OSBPL5: variants seen among roughly 807,000 people sequenced by gnomAD.
OSBPL5 encodes oxysterol binding protein like 5, also known as oxysterol-binding protein-related protein 5.
Under a neutral mutation model 111.2 loss-of-function variants are expected in OSBPL5, and 71 were observed. That is an observed-to-expected ratio of 0.64 (90% CI 0.53 to 0.78). The LOEUF is 0.78. Among genes scored for constraint, OSBPL5 ranks in the 30% least tolerant of loss-of-function variants. The probability of loss-of-function intolerance (pLI) is 0.00; values close to 1 mark genes in which losing one functional copy is unlikely to be tolerated. For synonymous variants in OSBPL5, 549 were observed against 513.9 expected (o/e 1.07, Z -0.93); for missense variants, 1,210 against 1,189.3 (o/e 1.02, Z -0.26).
In OSBPL5 at chr11:3,106,490, C is replaced by T. The variant is rs1480368818; in HGVS notation, c.1059+773G>A. Among the ~76,000 whole-genome samples the T allele has an allele frequency of 2.0e-5, 3 of 151,990 alleles. No homozygotes were observed. The highest frequency in any genetic ancestry group is 4.1e-4 in the South Asian group (2 of 4,820). ...GAAGCTTAGATCCTGTGATTCCTTC[C>T]GGACTCCCCTTCCTGAGGCGCCCCA... On this transcript the variant is annotated intron_variant, in intron 9 of 21. Transcript: ENST00000263650. The surrounding 1 kb of genome is among the most constrained non-coding windows in gnomAD (Gnocchi z 8.4).
rs1238017676 is a variant in OSBPL5 at position 3,140,662 on chromosome 11, C to T, written c.-21-11493G>A. 2.0e-5 allele frequency among the ~76,000 whole-genome samples: 3 copies of T among 152,194 alleles called. No homozygotes were observed. Among genetic ancestry groups the T allele is most frequent in the Non-Finnish European group, 4.4e-5 (3 of 68,026 alleles). On this transcript the variant is annotated intron_variant, in intron 1 of 21. Transcript: ENST00000263650. This position sits in a 1 kb window ranked among gnomAD's most constrained non-coding sequence, Gnocchi z 4.5. Reference sequence around the variant, plus strand: ...GTCCCGGCTCCCCTCTGTCCCCCAGCTCACATTACCCAGGACTGGCTGTAG... The same window carrying T: ...GTCCCGGCTCCCCTCTGTCCCCCAGTTCACATTACCCAGGACTGGCTGTAG...
intron 1 of OSBPL5, among the ~76,000 whole-genome samples, chr11:3,147,210 G>C (rs1165121113): frequency 6.6e-6 from 1 of 152,220 alleles, no homozygotes; most frequent in Non-Finnish European, 1.5e-5. Context: ...CCAGAGTCAG[G>C]GGCTAGGGCT....
At chr11:3,101,724 A>G in intron 12 of OSBPL5, 25 bp from the exon 13 acceptor site, 2 of 1,590,012 alleles carry the variant, frequency 1.3e-6, no homozygotes, top group Non-Finnish European at 1.7e-6. Context: ...GCGGCTCTGT[A>G]AACAGCCCCG....
chr11:3,107,690 G>C lies in OSBPL5; in HGVS notation c.866+81C>G. 6.5e-7 allele frequency: 1 copy of C among 1,545,388 alleles called. No homozygotes were observed. The highest frequency in any genetic ancestry group is 8.8e-7 in the Non-Finnish European group (1 of 1,137,164). ...CCTGCAGCCCACCAGAGCAGTGGCT[G>C]GGGCTGTCCTCTCCCCTCTTCCTCG... On this transcript the variant is annotated intron_variant, in intron 8 of 21. Coordinates refer to ENST00000263650, the MANE Select transcript of OSBPL5 (RefSeq NM_020896.4). This position sits in a 1 kb window ranked among gnomAD's most constrained non-coding sequence, Gnocchi z 6.1.
chr11:3,147,577 T>C (rs1292652437), intron 1 of OSBPL5, among the ~76,000 whole-genome samples: 7 of 152,316 alleles, frequency 4.6e-5, no homozygotes. Context: ...GTTTGTGAAC[T>C]CGAATCGAGG....
rs1362613239 is a variant in OSBPL5, at chr11:3,113,811, C to T, written c.691+5736G>A. ...TGTTATAGTCTTTGTTTCAGGTAAA[C>T]TATAAACTAAGTTCCTCCCAAAGTT... On this transcript the variant is annotated intron_variant, in intron 7 of 21. Transcript: ENST00000263650. The surrounding 1 kb of genome is among the most constrained non-coding windows in gnomAD (Gnocchi z 4.8). Among the ~76,000 whole-genome samples the T allele has an allele frequency of 6.6e-6, 1 of 152,136 alleles. No homozygotes were observed. The highest frequency in any genetic ancestry group is 2.4e-5 in the African/African-American group (1 of 41,436).
chr11:3,112,213 GT>G (rs986879427), intron 7 of OSBPL5, among the ~76,000 whole-genome samples: 3 of 152,110 alleles, frequency 2.0e-5, no homozygotes, highest in Non-Finnish European at 2.9e-5. Flanking sequence ...GAGCAAAAGG[GT>G]TTTTTCTTCT....
rs1250614033 is a variant in OSBPL5 at position 3,129,000 on chromosome 11, G to A, written c.136+13C>T. ...CTGAGGGCCAGGTTGCCCTGCCCAC[G>A]GCCGGCACTTACCTGGGCTGAGTGG... is the stretch of plus-strand genomic sequence containing the variant. On this transcript the variant is annotated intron_variant, in intron 2 of 21. Transcript: ENST00000263650. The A allele has an allele frequency of 2.0e-6, 3 of 1,535,810 alleles. No individual in the cohort carries two copies. The highest frequency in any genetic ancestry group is 1.4e-5 in the African/African-American group (1 of 71,014).
chr11:3,115,734 A>C (rs1403116904), intron 7 of OSBPL5, among the ~76,000 whole-genome samples: 1 of 152,246 alleles, frequency 6.6e-6, no homozygotes, highest in Non-Finnish European at 1.5e-5. Flanking sequence ...ATAAAGGCTT[A>C]TGGAAGTTAT....
rs1274680836 is a variant in OSBPL5 at position 3,106,793 on chromosome 11, G to A, written c.1059+470C>T. 2.0e-5 allele frequency among the ~76,000 whole-genome samples: 3 copies of A among 152,156 alleles called. No individual in the cohort carries two copies. The East Asian group carries it at 5.8e-4, about 29-fold the overall frequency. On this transcript the variant is annotated intron_variant, in intron 9 of 21. Coordinates refer to ENST00000263650, the MANE Select transcript of OSBPL5 (RefSeq NM_020896.4). The surrounding 1 kb of genome is among the most constrained non-coding windows in gnomAD (Gnocchi z 8.4). ...TGTTTCCTGCTGCCCATACACTGGG[G>A]GCCCAGAGCCCAGGTCTGTCTCATT...
Position 3,126,661 on chromosome 11 carries a change from G to A in OSBPL5, c.137-106C>T. 2.2e-6 allele frequency: 2 copies of A among 927,194 alleles called. No homozygotes were observed. Among genetic ancestry groups the A allele is most frequent in the South Asian group, 3.4e-5 (2 of 58,068 alleles). 57.4% of individuals were successfully genotyped at this position (927,194 alleles called of 1,614,324 possible). ...GCGAAGCGTGGGTGCGGATGACCTGGGAGGGGCAGGAAGTCAGCCGGAGGT... is the reference window on the plus strand; with the variant it reads ...GCGAAGCGTGGGTGCGGATGACCTGAGAGGGGCAGGAAGTCAGCCGGAGGT... On this transcript the variant is annotated intron_variant, in intron 2 of 21. Coordinates refer to ENST00000263650, the MANE Select transcript of OSBPL5 (RefSeq NM_020896.4). The surrounding 1 kb of genome is among the most constrained non-coding windows in gnomAD (Gnocchi z 6.5).
Position 3,092,751 on chromosome 11 carries a change from C to A in OSBPL5, c.2132+116G>T, listed in dbSNP as rs1857107548. On this transcript the variant is annotated intron_variant, in intron 18 of 21. Transcript: ENST00000263650. The surrounding 1 kb of genome is among the most constrained non-coding windows in gnomAD (Gnocchi z 5.4). ...TCACTATCTGACCCTCCCCCACCGACTCCTCCAGGGGACAGGCTGAAGGTG... is the reference window on the plus strand; with the variant it reads ...TCACTATCTGACCCTCCCCCACCGAATCCTCCAGGGGACAGGCTGAAGGTG... 7.2e-7 allele frequency: 1 copy of A among 1,386,744 alleles called. No homozygotes were observed. Among genetic ancestry groups the A allele is most frequent in the Non-Finnish European group, 9.6e-7 (1 of 1,042,070 alleles). 85.9% of individuals were successfully genotyped at this position (1,386,744 alleles called of 1,614,324 possible).
Position 3,107,807 on chromosome 11 carries a change from G to T in OSBPL5, c.830C>A (p.Ala277Asp). 1 of 1,612,518 alleles carries T rather than the reference G, an allele frequency of 6.2e-7. No individual in the cohort carries two copies. ...TTGGTCTGGGTGGACGGTGGCTGAG[G>T]CTGGCAGCCCACAGAGCGATGAGGG... is the stretch of plus-strand genomic sequence containing the variant. ...ASPSSLCGLP[A>D]SATVHPDQDL... Residue 277 changes from alanine (A) to aspartate (D), a missense_variant, in exon 8 of 22, where the codon GCC becomes GAC. Coordinates refer to ENST00000263650, the MANE Select transcript of OSBPL5 (RefSeq NM_020896.4). This position sits in a 1 kb window ranked among gnomAD's most constrained non-coding sequence, Gnocchi z 6.1.
rs776026352 is a variant in OSBPL5, at chr11:3,101,750, AG to A, written c.1426-52del. ...AACAGCCCCGGAAACAGGTAATCCCAGGAAGCGAGAGCCCAGCTTCCCCCAA... is the reference window on the plus strand; with the variant it reads ...AACAGCCCCGGAAACAGGTAATCCCAGAAGCGAGAGCCCAGCTTCCCCCAA... On this transcript the variant is annotated intron_variant, in intron 12 of 21. Transcript: ENST00000263650. The A allele has an allele frequency of 3.4e-6, 5 of 1,464,986 alleles. No homozygotes were observed. The South Asian group carries it at 5.7e-5, about 17-fold the overall frequency. The allele number at this position is 1,464,986 out of a possible 1,614,324, so 90.7% of individuals were successfully genotyped here. A position where few individuals can be genotyped will look rare whatever the true frequency, so the allele number is the denominator to read the frequency against.
intron 3 of OSBPL5, among the ~76,000 whole-genome samples, chr11:3,125,332 C>T (rs1321005022): frequency 2.6e-5 from 4 of 152,152 alleles, no homozygotes; most frequent in Non-Finnish European, 5.9e-5. Flanking sequence ...AGAACTCTTG[C>T]AGCTCAGCAA....
rs775382311 is a variant in OSBPL5, at chr11:3,090,712, G to A, written c.2260-16C>T. On this transcript the variant is annotated splice_polypyrimidine_tract_variant and intron_variant, in intron 19 of 21. Coordinates refer to ENST00000263650, the MANE Select transcript of OSBPL5 (RefSeq NM_020896.4). ...GGCCAGACCTCTGCAGAGAAATGGAGCTGCTGCAGCTGAAAGCCACCCACG... is the reference window on the plus strand; with the variant it reads ...GGCCAGACCTCTGCAGAGAAATGGAACTGCTGCAGCTGAAAGCCACCCACG... The A allele has an allele frequency of 6.2e-7, 1 of 1,601,998 alleles. No homozygotes were observed. Among genetic ancestry groups the A allele is most frequent in the African/African-American group, 1.3e-5 (1 of 74,796 alleles).
chr11:3,097,136 T>G (rs866167578), intron 14 of OSBPL5, among the ~76,000 whole-genome samples: 481 of 49,778 alleles, frequency 9.7e-3, no homozygotes, highest in Middle Eastern at 0.017. Context: ...AAGGGGAAGA[T>G]GGGAGGAGGA....
rs916228324 is a variant in OSBPL5 at position 3,141,581 on chromosome 11, G to A, written c.-21-12412C>T. ...TGGGGTCCATTATGGCCCGAGTTGC[G>A]CAGAGAGGACAGGGAGGGGCTGGAT... is the stretch of plus-strand genomic sequence containing the variant. On this transcript the variant is annotated intron_variant, in intron 1 of 21. Transcript: ENST00000263650. The surrounding 1 kb of genome is among the most constrained non-coding windows in gnomAD (Gnocchi z 6.5). Among the ~76,000 whole-genome samples, 6 of 152,174 alleles carry A rather than the reference G, an allele frequency of 3.9e-5. No homozygotes were observed. Among genetic ancestry groups the A allele is most frequent in the Admixed American group, 3.3e-4 (5 of 15,278 alleles).
Position 3,092,870 on chromosome 11 carries a change from T to G in OSBPL5, c.2129A>C (p.Glu710Ala). 6.5e-7 allele frequency: 1 copy of G among 1,536,824 alleles called. No individual in the cohort carries two copies. Among genetic ancestry groups the G allele is most frequent in the South Asian group, 1.2e-5 (1 of 82,544 alleles). The change falls in exon 18 of 22, where the codon GAG becomes GCG. Residue 710 changes from glutamate to alanine, a missense_variant. Transcript: ENST00000263650. The surrounding 1 kb of genome is among the most constrained non-coding windows in gnomAD (Gnocchi z 5.4). Reference protein sequence around the residue: ...PITQEWHYRYEDHSPWDPLKD... With the variant: ...PITQEWHYRYADHSPWDPLKD... ...CCAGGGCTTTGTCGGCACTCACTCC[T>G]CGTATCGGTAGTGCCACTCCTGGGT...
Sources: gnomAD v4.1 joint callset for allele counts (sites outside exome capture counted in the v4.1 genomes callset) on GRCh38, gnomAD v4.1.1 for gene constraint, Gnocchi (gnomAD v3.1) non-coding constraint, MANE v1.5 for transcripts, NCBI Gene and HGNC (gene_info 2026-07-23, HGNC 2026-07-21) for gene names.